Variants in LRP1B observed in about 807,000 individuals in gnomAD.
The protein encoded by LRP1B is LDL receptor related protein 1B.
In LRP1B, 217 loss-of-function variants were observed where a neutral mutation model predicts 556.6. The observed-to-expected ratio is 0.39, with a 90% CI of 0.35 to 0.44. The LOEUF (loss-of-function observed/expected upper bound fraction) is 0.44. Ranked by LOEUF, LRP1B falls within the 20% of genes least tolerant of loss-of-function variation. The probability of loss-of-function intolerance (pLI) is 1.00; values close to 1 mark genes in which losing one functional copy is unlikely to be tolerated. For missense variants in LRP1B, 5,053 were observed against 5,620.8 expected (o/e 0.90, Z 3.23); for synonymous variants, 2,047 against 1,865.8 (o/e 1.10, Z -2.50).
chr2:141,622,035 G>A (rs924564197), intron 2 of LRP1B, among the ~76,000 whole-genome samples: 1 of 152,016 alleles, frequency 6.6e-6, no homozygotes, highest in Non-Finnish European at 1.5e-5. Context: ...GGGGTTACAG[G>A]CATGCATCAC....
rs1683368844 is a variant in LRP1B at position 141,229,247 on chromosome 2, G to T, written c.786C>A (p.Ile262=). The change falls in exon 6 of 91, where the codon ATC becomes ATA. Residue 262 remains isoleucine, a synonymous_variant. Transcript: ENST00000389484. ...SRESSNQLKC[I]QITKAGGLTD... ...TTAATCCTCCTGCTTTTGTTATCTG[G>T]ATACATTTGAGTTGATTTGAAGATT... is the stretch of plus-strand genomic sequence containing the variant. The T allele has an allele frequency of 2.5e-6, 4 of 1,611,574 alleles. No individual in the cohort carries two copies. The highest frequency in any genetic ancestry group is 1.1e-5 in the South Asian group (1 of 90,980).
At chr2:140,781,161 G>C (rs932982360) in intron 32 of LRP1B, among the ~76,000 whole-genome samples, 1 of 152,090 alleles carries the variant, frequency 6.6e-6, no homozygotes, top group African/African-American at 2.4e-5. Context: ...AAAGAACCAC[G>C]GCCTTGAAGA....
At chr2:141,659,607 T>G (rs1202664642) in intron 2 of LRP1B, among the ~76,000 whole-genome samples, 1 of 152,010 alleles carries the variant, frequency 6.6e-6, no homozygotes, top group East Asian at 1.9e-4. Context: ...GGGTCTGGTT[T>G]GGGGAGCTTG....
At chr2:141,902,986 A>G (rs1699663517) in intron 1 of LRP1B, among the ~76,000 whole-genome samples, 1 of 151,890 alleles carries the variant, frequency 6.6e-6, no homozygotes, top group Non-Finnish European at 1.5e-5. Context: ...ATGGATTTTA[A>G]TTGTCTGTAG....
chr2:141,801,737 G>C (rs575749820), intron 2 of LRP1B, among the ~76,000 whole-genome samples: 4 of 152,142 alleles, frequency 2.6e-5, no homozygotes, highest in Non-Finnish European at 5.9e-5. Context: ...CCAGAAACTG[G>C]TGATTTCATT....
intron 3 of LRP1B, among the ~76,000 whole-genome samples, chr2:141,363,421 G>A (rs1407231943): frequency 6.6e-6 from 1 of 150,848 alleles, no homozygotes; most frequent in Non-Finnish European, 1.5e-5. Flanking sequence ...ATTTCTTAAT[G>A]ACACTTAGAA....
At chr2:140,883,251 C>T (rs1045453090) in intron 25 of LRP1B, among the ~76,000 whole-genome samples, 1 of 152,138 alleles carries the variant, frequency 6.6e-6, no homozygotes, top group Non-Finnish European at 1.5e-5. Flanking sequence ...CTGAGTTACT[C>T]AACATTGAAC....
intron 2 of LRP1B, among the ~76,000 whole-genome samples, chr2:141,488,740 G>A (rs1042463702): frequency 2.0e-5 from 3 of 151,962 alleles, no homozygotes; most frequent in African/African-American, 4.8e-5. Flanking sequence ...TTACAAGCAT[G>A]AGCCCCCATA....
At chr2:141,817,566 C>T (rs187680901) in intron 1 of LRP1B, among the ~76,000 whole-genome samples, 60 of 152,132 alleles carry the variant, frequency 3.9e-4, no homozygotes, top group Admixed American at 2.2e-3. Flanking sequence ...CTGTCACAGA[C>T]TAGCTAATTT....
intron 43 of LRP1B, among the ~76,000 whole-genome samples, chr2:140,554,068 T>A (rs935299557): frequency 1.3e-5 from 2 of 152,078 alleles, no homozygotes; most frequent in African/African-American, 4.8e-5. Flanking sequence ...AGAACTCTAT[T>A]CTGAGACTCA....
intron 41 of LRP1B, among the ~76,000 whole-genome samples, chr2:140,628,562 T>A (rs1366369979): frequency 6.6e-6 from 1 of 151,286 alleles, no homozygotes; most frequent in Non-Finnish European, 1.5e-5. Flanking sequence ...ATTATGTCTA[T>A]CCAAGCTCAC....
chr2:140,900,315 A>G (rs1262684969), intron 23 of LRP1B, among the ~76,000 whole-genome samples: 1 of 152,238 alleles, frequency 6.6e-6, no homozygotes, highest in East Asian at 1.9e-4. Flanking sequence ...TCTCATGTGA[A>G]ATATGATCAC....
intron 27 of LRP1B, among the ~76,000 whole-genome samples, chr2:140,866,562 G>A (rs950411017): frequency 2.0e-5 from 3 of 152,010 alleles, no homozygotes; most frequent in African/African-American, 7.2e-5. Flanking sequence ...TAGCAAAGAA[G>A]GATCAATTAT....
At chr2:141,430,837 A>G (rs986337064) in intron 3 of LRP1B, among the ~76,000 whole-genome samples, 2 of 152,110 alleles carry the variant, frequency 1.3e-5, no homozygotes, top group Non-Finnish European at 2.9e-5. Context: ...TGACTTTAAA[A>G]TAGAGAAATT....
intron 72 of LRP1B, among the ~76,000 whole-genome samples, chr2:140,364,249 G>A (rs866279492): frequency 1.3e-4 from 20 of 151,590 alleles, no homozygotes; most frequent in Middle Eastern, 3.4e-3. Flanking sequence ...TTTCATTAGT[G>A]GGTGGCTTGT....
chr2:141,933,851 A>G (rs914363166), intron 1 of LRP1B, among the ~76,000 whole-genome samples: 3 of 152,158 alleles, frequency 2.0e-5, no homozygotes, highest in African/African-American at 7.2e-5. Context: ...ACCTCAGATA[A>G]TTCCCATTTA....
chr2:140,649,007 T>G (rs1260677292), intron 41 of LRP1B, among the ~76,000 whole-genome samples: 2 of 152,058 alleles, frequency 1.3e-5, no homozygotes, highest in African/African-American at 2.4e-5. Flanking sequence ...AAATATATTT[T>G]GGGGGTAGAA....
intron 68 of LRP1B, among the ~76,000 whole-genome samples, chr2:140,376,217 C>A (rs964047162): frequency 4.6e-5 from 7 of 152,100 alleles, no homozygotes; most frequent in African/African-American, 1.7e-4. Context: ...ACTATGTCCA[C>A]CAACTTATGG....
chr2:141,282,519 C>G (rs200936178), intron 3 of LRP1B, among the ~76,000 whole-genome samples: 2,717 of 55,336 alleles, frequency 0.049, 76 homozygotes, highest in African/African-American at 0.12. Flanking sequence ...ATATGTATAT[C>G]TATATAGGTT....
Sources: allele counts gnomAD v4.1 joint callset (sites outside exome capture counted in the v4.1 genomes callset), GRCh38; gene constraint gnomAD v4.1.1; transcripts MANE v1.5; gene names NCBI Gene and HGNC (gene_info 2026-07-23, HGNC 2026-07-21).